The following FAM135B variants were observed in gnomAD, a reference collection of about 807,000 sequenced individuals.
FAM135B encodes family with sequence similarity 135 member B, also known as protein FAM135B.
A neutral mutation model predicts 127.7 loss-of-function variants in FAM135B; 43 were observed. The ratio of observed to expected loss-of-function variants is 0.34; its 90% confidence interval spans 0.26 to 0.43. The LOEUF (loss-of-function observed/expected upper bound fraction) is 0.43, where lower values mean the gene tolerates loss of function less well. FAM135B is among the 20% of genes least tolerant of loss of function. The pLI is 1.00. For missense variants in FAM135B, 1,558 were observed against 1,725.6 expected (o/e 0.90, Z 1.72); for synonymous variants, 670 against 665.1 (o/e 1.01, Z -0.11).
intron 1 of FAM135B, among the ~76,000 whole-genome samples, chr8:138,380,496 T>G (rs527263619): frequency 6.6e-6 from 1 of 152,238 alleles, no homozygotes; most frequent in Non-Finnish European, 1.5e-5. Flanking sequence ...GCCTGGCCAC[T>G]ATATAGGTTT....
At chr8:138,444,043 A>C (rs1192113628) in intron 1 of FAM135B, among the ~76,000 whole-genome samples, 2 of 152,224 alleles carry the variant, frequency 1.3e-5, no homozygotes, top group African/African-American at 4.8e-5. Flanking sequence ...CAAAGATCAA[A>C]GAGACAAAGA....
chr8:138,258,593 A>G (rs1471375732), intron 4 of FAM135B, among the ~76,000 whole-genome samples: 3 of 152,162 alleles, frequency 2.0e-5, no homozygotes, highest in Non-Finnish European at 4.4e-5. Flanking sequence ...GTAAACTCCA[A>G]TTTTAAACTT....
In FAM135B at chr8:138,151,617, T is replaced by G; in HGVS notation, c.2858A>C (p.Gln953Pro). 6.2e-7 allele frequency: 1 copy of G among 1,614,212 alleles called. No homozygotes were observed. The highest frequency in any genetic ancestry group is 8.5e-7 in the Non-Finnish European group (1 of 1,180,022). Reference protein sequence around the residue: ...ADAINRNSTGQQSQSGSPCIM... With the variant: ...ADAINRNSTGPQSQSGSPCIM... The stretch of plus-strand genomic sequence containing the variant: ...GCAAGGTGAACCGCTTTGGCTTTGC[T>G]GGCCTGTTGAGTTCCTGTTGATGGC... The change falls in exon 13 of 20, where the codon CAG becomes CCG. Residue 953 changes from glutamine (Q) to proline (P), a missense_variant. By Grantham distance (76) the Gln-to-Pro change is moderately conservative (BLOSUM62 -1). Around this residue, in one of 5 missense-constraint regions of FAM135B, gnomAD observed 923 missense variants for 865.3 expected, o/e 1.07. Coordinates refer to ENST00000395297, the MANE Select transcript of FAM135B (RefSeq NM_015912.4).
chr8:138,184,013 G>T (rs1586712133), intron 9 of FAM135B, among the ~76,000 whole-genome samples: 2 of 152,310 alleles, frequency 1.3e-5, no homozygotes, highest in Middle Eastern at 6.8e-3. Flanking sequence ...ACTGAGCCAT[G>T]GCTGGGATGG....
intron 15 of FAM135B, among the ~76,000 whole-genome samples, chr8:138,144,793 C>T (rs1817520602): frequency 6.6e-6 from 1 of 152,130 alleles, no homozygotes; most frequent in African/African-American, 2.4e-5. Context: ...CAGGTTGAAC[C>T]CAGCAGCCAT....
intron 11 of FAM135B, among the ~76,000 whole-genome samples, chr8:138,173,138 G>T (rs1814074988): frequency 6.6e-6 from 1 of 152,150 alleles, no homozygotes; most frequent in Non-Finnish European, 1.5e-5. Flanking sequence ...TTTATTTGGG[G>T]TATTCTGTGC....
At chr8:138,367,152 T>C (rs529169216) in intron 2 of FAM135B, among the ~76,000 whole-genome samples, 177 of 152,364 alleles carry the variant, frequency 1.2e-3, no homozygotes, top group African/African-American at 4.0e-3. Context: ...AGCAAATGGA[T>C]AGATACCCCT....
intron 7 of FAM135B, among the ~76,000 whole-genome samples, chr8:138,206,346 A>ATCATCCCCTCCACCTACACACAG (rs1817595648): frequency 1.2e-5 from 1 of 81,468 alleles, no homozygotes. Flanking sequence ...CCTACCCACA[A>ATCATCCCCTCCACCTACACACAG]CTCCAGCATC....
intron 1 of FAM135B, among the ~76,000 whole-genome samples, chr8:138,403,373 G>A (rs974511648): frequency 6.6e-5 from 10 of 151,854 alleles, no homozygotes; most frequent in African/African-American, 1.5e-4. Flanking sequence ...AGAACAACCC[G>A]GATATCATTC....
chr8:138,450,211 G>T (rs893307471), intron 1 of FAM135B, among the ~76,000 whole-genome samples: 25 of 152,146 alleles, frequency 1.6e-4, no homozygotes, highest in African/African-American at 5.6e-4. Context: ...ATATTTCATT[G>T]TCTGGGTGCT....
chr8:138,201,393 T>C (rs539585085), intron 7 of FAM135B, among the ~76,000 whole-genome samples: 3 of 152,250 alleles, frequency 2.0e-5, no homozygotes, highest in African/African-American at 4.8e-5. Context: ...AGCATGATTA[T>C]TGAAATAATA....
intron 10 of FAM135B, 114 bp downstream of exon 10, chr8:138,178,421 C>A: frequency 8.0e-7 from 1 of 1,254,716 alleles, no homozygotes; most frequent in Non-Finnish European, 1.1e-6. Flanking sequence ...GGTAGAGACA[C>A]GAAAGCACGA....
chr8:138,474,903 A>G (rs1814316155), intron 1 of FAM135B, among the ~76,000 whole-genome samples: 1 of 152,168 alleles, frequency 6.6e-6, no homozygotes, highest in Non-Finnish European at 1.5e-5. Context: ...CAGTAAATGA[A>G]TAAAGTAATT....
At chr8:138,318,913 A>G (rs1827262885) in intron 2 of FAM135B, among the ~76,000 whole-genome samples, 1 of 152,198 alleles carries the variant, frequency 6.6e-6, no homozygotes. Context: ...GGAAATTTCT[A>G]CCAAGTCATA....
chr8:138,338,002 A>G (rs1828741779), intron 2 of FAM135B, among the ~76,000 whole-genome samples: 1 of 152,368 alleles, frequency 6.6e-6, no homozygotes, highest in South Asian at 2.1e-4. Context: ...AATACAAGAA[A>G]TGGGGAAAGG....
At chr8:138,221,983 C>T (rs1819054465) in intron 7 of FAM135B, among the ~76,000 whole-genome samples, 1 of 152,086 alleles carries the variant, frequency 6.6e-6, no homozygotes, top group Non-Finnish European at 1.5e-5. Context: ...AGAGAAAAAT[C>T]AATCAGTAGA....
chr8:138,383,185 G>A (rs373691295), intron 1 of FAM135B, among the ~76,000 whole-genome samples: 2 of 152,292 alleles, frequency 1.3e-5, no homozygotes, highest in Non-Finnish European at 2.9e-5. Flanking sequence ...TGAGGCTCAG[G>A]CCCAGGAGCT....
At chr8:138,306,037 T>G (rs756173360) in intron 3 of FAM135B, among the ~76,000 whole-genome samples, 47 of 152,180 alleles carry the variant, frequency 3.1e-4, no homozygotes, top group Non-Finnish European at 4.6e-4. Flanking sequence ...ATGAAGTTTC[T>G]GAAAATCCCC....
chr8:138,433,417 G>A (rs1587442640), intron 1 of FAM135B, among the ~76,000 whole-genome samples: 1 of 26 alleles, frequency 0.038, no homozygotes, highest in African/African-American at 0.17. Flanking sequence ...AGCTACTCAG[G>A]AGGCTTGAGG....
Sources: gnomAD v4.1 joint callset for allele counts (sites outside exome capture counted in the v4.1 genomes callset) on GRCh38, gnomAD v4.1.1 for gene constraint, gnomAD v4.1.1 regional missense constraint, MANE v1.5 for transcripts, NCBI Gene and HGNC (gene_info 2026-07-23, HGNC 2026-07-21) for gene names.